RGS3: variants seen among roughly 807,000 people sequenced by gnomAD.
RGS3 encodes the protein regulator of G protein signaling 3.
In RGS3, 80 loss-of-function variants were observed where a neutral mutation model predicts 132.6. The observed-to-expected ratio is 0.60, with a 90% CI of 0.50 to 0.73. The LOEUF is 0.73. Among genes scored for constraint, RGS3 ranks in the 30% least tolerant of loss-of-function variants. The pLI is 0.00. For synonymous variants in RGS3, 598 were observed against 620.6 expected (o/e 0.96, Z 0.54); for missense variants, 1,382 against 1,530.8 (o/e 0.90, Z 1.62).
intron 21 of RGS3, 129 bp from the exon 20 acceptor site, chr9:113,594,301 C>T (rs748243052): frequency 1.6e-5 from 25 of 1,595,350 alleles, no homozygotes; most frequent in South Asian, 2.3e-5. Context: ...GTACCTCACT[C>T]GCAACGGGAA....
chr9:113,463,623 A>T lies in RGS3; in HGVS notation c.415+1422A>T. 6 of 810,236 alleles carry T rather than the reference A, an allele frequency of 7.4e-6. No individual in the cohort carries two copies. The highest frequency in any genetic ancestry group is 9.7e-6 in the Non-Finnish European group (6 of 616,914). 50.2% of individuals were successfully genotyped at this position (810,236 alleles called of 1,614,324 possible). ...GGCCCAGCTCTGCTCCGGCAGGTGG[A>T]ACTCTCCCCATTCAAACCCGCGCGG... On this transcript the variant is annotated intron_variant, in intron 3 of 24. Transcript: ENST00000350696. This position sits in a 1 kb window ranked among gnomAD's most constrained non-coding sequence, Gnocchi z 4.6.
intron 17 of RGS3, among the ~76,000 whole-genome samples, chr9:113,527,228 C>T (rs943232791): frequency 7.2e-5 from 11 of 152,218 alleles, no homozygotes; most frequent in African/African-American, 2.7e-4. Context: ...GTTCCCCCAA[C>T]CTCAGCCTCC....
At chr9:113,454,740 T>C (rs1388712276) in intron 1 of RGS3, among the ~76,000 whole-genome samples, 1 of 151,294 alleles carries the variant, frequency 6.6e-6, no homozygotes, top group Non-Finnish European at 1.5e-5. Flanking sequence ...CTAGGGTTGA[T>C]TATTCCCCAC....
chr9:113,596,768 G>A lies in RGS3; in HGVS notation c.3412G>A (p.Val1138Ile), dbSNP rs148797452. ...ACCATGTCCCCCTCTGCCTCCCCAG[G>A]TCAACCTGGACTCCTACACGCGGGA... The change falls in exon 25 of 25, where the codon GTC becomes ATC. Residue 1138 changes from valine (V) to isoleucine (I), a missense_variant and splice_region_variant. Coordinates refer to ENST00000350696, the Ensembl canonical transcript of RGS3. 7.3e-5 allele frequency: 117 copies of A among 1,607,490 alleles called. No homozygotes were observed. The African/African-American group carries it at 1.5e-3, about 20-fold the overall frequency.
chr9:113,533,030 G>A (rs1337911450), intron 18 of RGS3, among the ~76,000 whole-genome samples: 1 of 152,210 alleles, frequency 6.6e-6, no homozygotes, highest in Non-Finnish European at 1.5e-5. Flanking sequence ...CTCCCCAGGT[G>A]TTGGAGATGA....
intron 19 of RGS3, among the ~76,000 whole-genome samples, chr9:113,546,608 C>G (rs116429029): frequency 6.6e-6 from 1 of 152,310 alleles, no homozygotes; most frequent in African/African-American, 2.4e-5. Context: ...AGGACTAGAG[C>G]TCAGGTCTCC....
intron 7 of RGS3, among the ~76,000 whole-genome samples, chr9:113,494,871 C>A (rs1032416612): frequency 6.1e-5 from 9 of 148,166 alleles, no homozygotes; most frequent in African/African-American, 2.4e-4. Flanking sequence ...AATTCTTCTT[C>A]TTCTTCTTCT....
At chr9:113,560,520 A>G (rs1833742913) in intron 19 of RGS3, among the ~76,000 whole-genome samples, 1 of 152,234 alleles carries the variant, frequency 6.6e-6, no homozygotes, top group Admixed American at 6.5e-5. Flanking sequence ...TTCATCTGCC[A>G]TGACCCCCTC....
intron 14 of RGS3, 21 bp from the exon 13 acceptor site, chr9:113,514,437 T>C: frequency 1.9e-6 from 3 of 1,604,556 alleles, no homozygotes; most frequent in Non-Finnish European, 2.6e-6. Context: ...TGTCTCATAG[T>C]CCCCCATCTC....
intron 22 of RGS3, 41 bp from the exon 21 acceptor site, chr9:113,594,878 C>G (rs747312522): frequency 1.9e-6 from 3 of 1,592,240 alleles, no homozygotes; most frequent in Non-Finnish European, 2.6e-6. Context: ...GGTTCCCAAG[C>G]CTCTCAGTGC....
chr9:113,533,471 TCTGC>T (rs2118574460), intron 18 of RGS3, among the ~76,000 whole-genome samples: 1 of 152,358 alleles, frequency 6.6e-6, no homozygotes, highest in Non-Finnish European at 1.5e-5. Flanking sequence ...CCTCAGGTGA[TCTGC>T]CTGCCTCAGC....
chr9:113,507,220 G>GCC lies in RGS3; in HGVS notation c.1086-65_1086-64dup. ...CCCCATTATCCTCTCTGCCCTGTGGGCCCTCACTCTGGCTGATACTGGCTT... is the reference window on the plus strand; with the variant it reads ...CCCCATTATCCTCTCTGCCCTGTGGGCCCCCTCACTCTGGCTGATACTGGCTT... On this transcript the variant is annotated intron_variant, in intron 12 of 24. Transcript: ENST00000350696. This position sits in a 1 kb window ranked among gnomAD's most constrained non-coding sequence, Gnocchi z 5.0. 1 of 1,302,732 alleles carries GCC rather than the reference G, an allele frequency of 7.7e-7. No homozygotes were observed. The highest frequency in any genetic ancestry group is 1.4e-5 in the South Asian group (1 of 71,794). 80.7% of individuals were successfully genotyped at this position (1,302,732 alleles called of 1,614,324 possible).
intron 4 of RGS3, 198 bp from the exon 3 acceptor site, chr9:113,482,861 A>G (rs906282910): frequency 2.9e-6 from 4 of 1,392,632 alleles, no homozygotes; most frequent in Admixed American, 2.7e-5. Flanking sequence ...CCTAGACCAG[A>G]GCAGGTTCAT....
intron 3 of RGS3, among the ~76,000 whole-genome samples, chr9:113,478,540 G>C: frequency 6.6e-6 from 1 of 152,116 alleles, no homozygotes; most frequent in East Asian, 1.9e-4. Flanking sequence ...GGGGCGTGGT[G>C]GCTCATACCT....
chr9:113,474,834 A>G (rs933679304), intron 3 of RGS3, among the ~76,000 whole-genome samples: 3 of 152,170 alleles, frequency 2.0e-5, no homozygotes, highest in Admixed American at 6.5e-5. Flanking sequence ...TCAGGGTGGC[A>G]TGGGCTCCCA....
upstream of RGS3, among the ~76,000 whole-genome samples, chr9:113,459,847 TG>T (rs1436964516): frequency 1.3e-5 from 2 of 152,096 alleles, no homozygotes; most frequent in Non-Finnish European, 2.9e-5. Flanking sequence ...GAGACCAGCC[TG>T]GCTAACATGG....
chr9:113,523,614 C>T (rs996545542), intron 17 of RGS3, among the ~76,000 whole-genome samples: 8 of 152,086 alleles, frequency 5.3e-5, no homozygotes, highest in Non-Finnish European at 1.0e-4. Context: ...CATGTGGGAG[C>T]GTGGAGGGAA....
chr9:113,530,437 C>T (rs1032548340), intron 18 of RGS3, among the ~76,000 whole-genome samples: 3 of 152,210 alleles, frequency 2.0e-5, no homozygotes, highest in Admixed American at 1.3e-4. Context: ...GGCACATTCC[C>T]CCGGAGCACA....
chr9:113,540,638 G>A (rs918926171), intron 19 of RGS3, among the ~76,000 whole-genome samples: 1 of 152,218 alleles, frequency 6.6e-6, no homozygotes, highest in Non-Finnish European at 1.5e-5. Flanking sequence ...AGGATGAGAA[G>A]GGCAGACACA....
Sources: allele counts gnomAD v4.1 joint callset (sites outside exome capture counted in the v4.1 genomes callset), GRCh38; gene constraint gnomAD v4.1.1; non-coding constraint Gnocchi (gnomAD v3.1); transcripts MANE v1.5; gene names NCBI Gene and HGNC (gene_info 2026-07-23, HGNC 2026-07-21).